Variants in GTF3C1 observed in about 807,000 individuals in gnomAD.
GTF3C1 encodes general transcription factor 3C polypeptide 1.
A neutral mutation model predicts 226.7 loss-of-function variants in GTF3C1; 57 were observed. That is an observed-to-expected ratio of 0.25 (90% CI 0.20 to 0.31). The LOEUF is 0.31. GTF3C1 is among the 10% of genes least tolerant of loss of function. The pLI is 1.00. For missense variants in GTF3C1, 2,217 were observed against 2,776.1 expected (o/e 0.80, Z 4.53); for synonymous variants, 1,090 against 1,084.8 (o/e 1.00, Z -0.09).
At chr16:27,549,638 CG>C in intron 1 of GTF3C1, 31 bp downstream of exon 1, 7 of 903,066 alleles carry the variant, frequency 7.8e-6, no homozygotes, top group South Asian at 3.0e-5. Flanking sequence ...TGCGCCCGCC[CG>C]CCCGCCCGCC....
Position 27,463,553 on chromosome 16 carries a change from G to T in GTF3C1, c.5912C>A (p.Ala1971Glu), listed in dbSNP as rs780956738. ...ACCCCACACCCACCTTTCCCGTGCT[G>T]CCTGGGAGATGTTGGCAGCTCCGAA... is the stretch of plus-strand genomic sequence containing the variant. ...ESFGAANISQ[A>E]ARERDCESVC... The change falls in exon 35 of 37, where the codon GCA becomes GAA. Residue 1971 changes from alanine to glutamate, a missense_variant. Ala to Glu is a moderately radical substitution (Grantham distance 107, BLOSUM62 -1). Around this residue, in one of 12 missense-constraint regions of GTF3C1, gnomAD observed 153 missense variants for 199.8 expected, o/e 0.77. Transcript: ENST00000356183. The surrounding 1 kb of genome is among the most constrained non-coding windows in gnomAD (Gnocchi z 4.9). 1.3e-6 allele frequency: 2 copies of T among 1,598,056 alleles called. No homozygotes were observed. The highest frequency in any genetic ancestry group is 2.2e-5 in the South Asian group (2 of 90,800).
At chr16:27,531,531 T>C (rs2088917532) in intron 5 of GTF3C1, among the ~76,000 whole-genome samples, 1 of 152,262 alleles carries the variant, frequency 6.6e-6, no homozygotes, top group Non-Finnish European at 1.5e-5. Flanking sequence ...CCCTTCTGAT[T>C]AGACAGCTCC....
At chr16:27,524,435 C>T (rs1223571252) in intron 6 of GTF3C1, among the ~76,000 whole-genome samples, 1 of 152,172 alleles carries the variant, frequency 6.6e-6, no homozygotes, top group African/African-American at 2.4e-5. Context: ...ACCTGTAAGT[C>T]TCACAATACC....
chr16:27,474,745 G>A (rs1719979207), intron 29 of GTF3C1, among the ~76,000 whole-genome samples: 1 of 152,258 alleles, frequency 6.6e-6, no homozygotes, highest in South Asian at 2.1e-4. Context: ...GGTGGCAGAG[G>A]GCGCACGGCA....
At chr16:27,506,640 C>A (rs188335017) in intron 9 of GTF3C1, among the ~76,000 whole-genome samples, 2 of 152,296 alleles carry the variant, frequency 1.3e-5, no homozygotes, top group Admixed American at 1.3e-4. Context: ...ACACGTGCCA[C>A]GAAGAAATGA....
At chr16:27,518,727 G>A (rs573891376) in intron 6 of GTF3C1, among the ~76,000 whole-genome samples, 3 of 152,190 alleles carry the variant, frequency 2.0e-5, no homozygotes, top group Non-Finnish European at 2.9e-5. Context: ...GAGAGAGGCC[G>A]TCGGGCAGCA....
chr16:27,482,693 G>GC, intron 26 of GTF3C1: 1 of 458,914 alleles, frequency 2.2e-6, no homozygotes, highest in Non-Finnish European at 4.4e-6. Context: ...CACCGCCTTG[G>GC]CCCCTCTGGA....
At chr16:27,474,040 T>C (rs1017495942) in intron 29 of GTF3C1, among the ~76,000 whole-genome samples, 1 of 152,228 alleles carries the variant, frequency 6.6e-6, no homozygotes, top group African/African-American at 2.4e-5. Context: ...CCCACTCACA[T>C]TTCCAAGAGG....
At chr16:27,467,790 A>C (rs1213167315) in intron 32 of GTF3C1, among the ~76,000 whole-genome samples, 1 of 152,104 alleles carries the variant, frequency 6.6e-6, no homozygotes, top group Non-Finnish European at 1.5e-5. Context: ...GAATCACTTG[A>C]ACCTGGGAGG....
chr16:27,476,443 A>G lies in GTF3C1; in HGVS notation c.4353+8T>C. 1 of 1,584,814 alleles carries G rather than the reference A, an allele frequency of 6.3e-7. No individual in the cohort carries two copies. Among genetic ancestry groups the G allele is most frequent in the Non-Finnish European group, 8.7e-7 (1 of 1,153,386 alleles). On this transcript the variant is annotated splice_region_variant and intron_variant, in intron 29 of 36. Transcript: ENST00000356183. ...TCCCCGCTGTGCTGCCGGGCAGCCG[A>G]CACCCACCTGGAATGACTGGTAGGA...
At chr16:27,547,130 C>G (rs537675845) in intron 1 of GTF3C1, among the ~76,000 whole-genome samples, 1 of 152,134 alleles carries the variant, frequency 6.6e-6, no homozygotes, top group Admixed American at 6.5e-5. Context: ...CCAGCCACAC[C>G]GCCTCAGTCT....
chr16:27,492,409 A>T lies in GTF3C1; in HGVS notation c.3080T>A (p.Val1027Asp). Residue 1027 changes from valine (V) to aspartate (D), a missense_variant, in exon 19 of 37, where the codon GTC becomes GAC. Coordinates refer to ENST00000356183, the MANE Select transcript of GTF3C1 (RefSeq NM_001520.4). The surrounding 1 kb of genome is among the most constrained non-coding windows in gnomAD (Gnocchi z 5.0). Reference sequence around the variant, plus strand: ...TTCCACATCCTGCATTGAGTTCAGGACATAGAGGCGCCTCTCGAAGGGCCG... The same window carrying T: ...TTCCACATCCTGCATTGAGTTCAGGTCATAGAGGCGCCTCTCGAAGGGCCG... ...SSRPFERRLY[V>D]LNSMQDVENY... The T allele has an allele frequency of 1.2e-6, 2 of 1,611,354 alleles. No individual in the cohort carries two copies. Among genetic ancestry groups the T allele is most frequent in the Non-Finnish European group, 1.7e-6 (2 of 1,177,786 alleles).
At chr16:27,541,270 T>C (rs1435930963) in intron 2 of GTF3C1, among the ~76,000 whole-genome samples, 1 of 152,164 alleles carries the variant, frequency 6.6e-6, no homozygotes, top group Non-Finnish European at 1.5e-5. Context: ...GCAGCACGGC[T>C]ACAAAGTCTG....
intron 29 of GTF3C1, among the ~76,000 whole-genome samples, chr16:27,475,864 C>G (rs895666341): frequency 2.6e-5 from 4 of 152,194 alleles, no homozygotes; most frequent in African/African-American, 9.7e-5. Flanking sequence ...AGCTCAATTA[C>G]TTTCTCAGGT....
In GTF3C1 at chr16:27,461,003, G is replaced by A; in HGVS notation, c.*347C>T. 4.8e-6 allele frequency: 1 copy of A among 208,638 alleles called. No homozygotes were observed. Among genetic ancestry groups the A allele is most frequent in the Non-Finnish European group, 9.7e-6 (1 of 102,696 alleles). The allele number at this position is 208,638 out of a possible 1,614,324, so 12.9% of individuals were successfully genotyped here. On this transcript the variant is annotated 3_prime_UTR_variant, in exon 37 of 37. Coordinates refer to ENST00000356183, the MANE Select transcript of GTF3C1 (RefSeq NM_001520.4). The surrounding 1 kb of genome is among the most constrained non-coding windows in gnomAD (Gnocchi z 5.3). ...TTGGTGGCACCTGGGCACTCAAGGA[G>A]CCAGGAGATCCTGCCGAGATGGCTA...
At chr16:27,488,672 C>T in intron 21 of GTF3C1, 37 bp from the exon 22 acceptor site, 1 of 1,532,516 alleles carries the variant, frequency 6.5e-7, no homozygotes, top group Non-Finnish European at 9.0e-7. Flanking sequence ...GAAGCATGAG[C>T]TTCCACAAAT....
chr16:27,494,689 G>T, intron 16 of GTF3C1, 74 bp downstream of exon 16: 1 of 1,095,050 alleles, frequency 9.1e-7, no homozygotes, highest in Non-Finnish European at 1.4e-6. Context: ...ATCCTCCCTT[G>T]CCCAGGTGAG....
intron 29 of GTF3C1, 82 bp from the exon 30 acceptor site, chr16:27,472,002 G>T (rs1004085940): frequency 6.4e-6 from 8 of 1,240,720 alleles, no homozygotes; most frequent in Non-Finnish European, 8.2e-6. Context: ...CAGAGGCTGC[G>T]GCTGATGCTT....
rs1164746546 is a variant in GTF3C1 at position 27,470,439 on chromosome 16, T to G, written c.4527-44A>C. The G allele has an allele frequency of 6.6e-7, 1 of 1,525,974 alleles. No individual in the cohort carries two copies. Among genetic ancestry groups the G allele is most frequent in the South Asian group, 1.2e-5 (1 of 85,562 alleles). The allele number at this position is 1,525,974 out of a possible 1,614,324, so 94.5% of individuals were successfully genotyped here. A position where few individuals can be genotyped will look rare whatever the true frequency, so the allele number is the denominator to read the frequency against. On this transcript the variant is annotated intron_variant, in intron 30 of 36. Transcript: ENST00000356183. The surrounding 1 kb of genome is among the most constrained non-coding windows in gnomAD (Gnocchi z 4.9). ...GAAGGGCCTGACTGAGGGCCAGCTG[T>G]GGGAAGCCTTCATTTGGATGGACTA...
Sources: gnomAD v4.1 joint callset for allele counts (sites outside exome capture counted in the v4.1 genomes callset) on GRCh38, gnomAD v4.1.1 for gene constraint, gnomAD v4.1.1 regional missense constraint, Gnocchi (gnomAD v3.1) non-coding constraint, MANE v1.5 for transcripts, NCBI Gene and HGNC (gene_info 2026-07-23, HGNC 2026-07-21) for gene names.